The following EYS variants were observed in gnomAD, a reference collection of about 807,000 sequenced individuals.
EYS encodes the protein EGF-like photoreceptor maintenance factor.
A neutral mutation model predicts 282.1 loss-of-function variants in EYS; 250 were observed. The observed-to-expected ratio is 0.89, with a 90% CI of 0.80 to 0.98. The LOEUF is 0.98. Among genes scored for constraint, EYS ranks in the 50% least tolerant of loss-of-function variants. EYS has a pLI of 0.00. For synonymous variants in EYS, 1,355 were observed against 1,282.9 expected, an observed-to-expected ratio of 1.06 and a Z score of -1.20; for missense variants, 4,016 against 3,709.0, an observed-to-expected ratio of 1.08 and a Z score of -2.15.
rs575884923 is a variant in EYS at position 64,660,332 on chromosome 6, A to G, written c.3444-34087T>C. ...TTCCCTTTGAAAACTGGCACAAGACAGGGATGCCCTCTCTCACCACTCCTA... is the reference window on the plus strand; with the variant it reads ...TTCCCTTTGAAAACTGGCACAAGACGGGGATGCCCTCTCTCACCACTCCTA... On this transcript the variant is annotated intron_variant, in intron 22 of 42. Coordinates refer to ENST00000503581, the MANE Select transcript of EYS (RefSeq NM_001142800.2). Among the ~76,000 whole-genome samples the G allele has an allele frequency of 6.9e-3, 1,052 of 152,058 alleles. 2 individuals carry two copies. Among genetic ancestry groups the G allele is most frequent in the African/African-American group, 0.024 (998 of 41,476 alleles).
rs886410733 is a variant in EYS, at chr6:63,788,320, T to C, written c.7579-71A>G. The stretch of plus-strand genomic sequence containing the variant: ...AGGGTGAAATGTTAAGATACTCTTT[T>C]GTTATTTCCCATTAACTTGGCATGA... On this transcript the variant is annotated intron_variant, in intron 38 of 42. Coordinates refer to ENST00000503581, the MANE Select transcript of EYS (RefSeq NM_001142800.2). 6 of 1,247,522 alleles carry C rather than the reference T, an allele frequency of 4.8e-6. 1 individual carries two copies. The African/African-American group carries it at 7.8e-5, about 16-fold the overall frequency. 77.3% of individuals were successfully genotyped at this position (1,247,522 alleles called of 1,614,324 possible).
intron 39 of EYS, among the ~76,000 whole-genome samples, chr6:63,781,299 G>T (rs1770217649): frequency 6.6e-6 from 1 of 152,184 alleles, no homozygotes; most frequent in Non-Finnish European, 1.5e-5. Context: ...GTCATTGGTA[G>T]CTTGATGGGG....
intron 22 of EYS, among the ~76,000 whole-genome samples, chr6:64,784,649 T>C (rs1038124940): frequency 6.6e-6 from 1 of 152,186 alleles, no homozygotes; most frequent in Non-Finnish European, 1.5e-5. Context: ...TAGATCAGTT[T>C]TTATATTACT....
intron 5 of EYS, among the ~76,000 whole-genome samples, chr6:65,473,554 G>T (rs560272926): frequency 6.6e-6 from 1 of 151,910 alleles, no homozygotes; most frequent in South Asian, 2.1e-4. Flanking sequence ...AAAAATTTAT[G>T]CAAGAGAAAA....
At chr6:65,470,080 CTTACT>C (rs1303279151) in intron 5 of EYS, among the ~76,000 whole-genome samples, 2 of 152,058 alleles carry the variant, frequency 1.3e-5, no homozygotes, top group African/African-American at 2.4e-5. Flanking sequence ...TTAAAATGTG[CTTACT>C]TTAAAGGACC....
At chr6:65,266,002 TA>T (rs1406766919) in intron 12 of EYS, among the ~76,000 whole-genome samples, 1 of 151,760 alleles carries the variant, frequency 6.6e-6, no homozygotes, top group Non-Finnish European at 1.5e-5. Flanking sequence ...CATCAGAGAA[TA>T]AAAAAATTAA....
intron 33 of EYS, among the ~76,000 whole-genome samples, chr6:64,039,240 G>A (rs987938102): frequency 6.6e-6 from 1 of 152,112 alleles, no homozygotes; most frequent in African/African-American, 2.4e-5. Context: ...CAGACAGATT[G>A]AATTTTTACT....
intron 2 of EYS, among the ~76,000 whole-genome samples, chr6:65,604,839 C>T (rs1765729237): frequency 8.8e-6 from 1 of 113,054 alleles, no homozygotes; most frequent in Non-Finnish European, 1.7e-5. Context: ...AATTCACTGC[C>T]CCCTTTTTTT....
At chr6:64,465,182 C>A (rs569322530) in intron 26 of EYS, among the ~76,000 whole-genome samples, 1 of 152,128 alleles carries the variant, frequency 6.6e-6, no homozygotes, top group Non-Finnish European at 1.5e-5. Flanking sequence ...AATGTTCATA[C>A]TACCCAAAGT....
intron 22 of EYS, among the ~76,000 whole-genome samples, chr6:64,675,123 C>T (rs1463845129): frequency 6.6e-6 from 1 of 152,108 alleles, no homozygotes; most frequent in Non-Finnish European, 1.5e-5. Flanking sequence ...TTTAGTAATG[C>T]TAAGCTTTAA....
intron 35 of EYS, among the ~76,000 whole-genome samples, chr6:63,969,932 G>A (rs1363360260): frequency 6.6e-6 from 1 of 152,212 alleles, no homozygotes; most frequent in Non-Finnish European, 1.5e-5. Context: ...TGGGGTGAGA[G>A]CAGAACTTCA....
Position 65,216,986 on chromosome 6 carries a change from C to G in EYS, c.2023+78877G>C, listed in dbSNP as rs564610654. On this transcript the variant is annotated intron_variant, in intron 12 of 42. Coordinates refer to ENST00000503581, the MANE Select transcript of EYS (RefSeq NM_001142800.2). ...ATGAGAATTGCTAGGTCATACTAAT[C>G]AATTAATCAACCTCTCAATCTAGAA... 3.3e-5 allele frequency among the ~76,000 whole-genome samples: 5 copies of G among 152,028 alleles called. No individual in the cohort carries two copies. The South Asian group carries it at 1.0e-3, about 32-fold the overall frequency.
Position 63,720,198 on chromosome 6 carries a change from G to C in EYS, c.*398C>G. The C allele has an allele frequency of 8.1e-6, 2 of 245,858 alleles. No individual in the cohort carries two copies. Among genetic ancestry groups the C allele is most frequent in the Non-Finnish European group, 1.5e-5 (2 of 129,906 alleles). The allele number at this position is 245,858 out of a possible 1,614,324, so 15.2% of individuals were successfully genotyped here. The stretch of plus-strand genomic sequence containing the variant: ...TAATAACTTGATTTTTTTCTTATTT[G>C]TACCTATCCCTAATTCATTCCCAAC... On this transcript the variant is annotated 3_prime_UTR_variant, in exon 43 of 43. Coordinates refer to ENST00000503581, the MANE Select transcript of EYS (RefSeq NM_001142800.2).
chr6:64,550,894 C>T (rs145141548), intron 26 of EYS, among the ~76,000 whole-genome samples: 2,407 of 152,112 alleles, frequency 0.016, 59 homozygotes, highest in African/African-American at 0.056. Flanking sequence ...CCTAGGAATC[C>T]AACTTACAAG....
chr6:64,235,936 C>T (rs1323931557), intron 30 of EYS, among the ~76,000 whole-genome samples: 1 of 152,156 alleles, frequency 6.6e-6, no homozygotes, highest in Non-Finnish European at 1.5e-5. Flanking sequence ...CTATTCCCAT[C>T]AATAGGAAAA....
chr6:65,423,221 G>C (rs886249226), intron 5 of EYS, among the ~76,000 whole-genome samples: 1 of 151,828 alleles, frequency 6.6e-6, no homozygotes, highest in East Asian at 1.9e-4. Flanking sequence ...AAATATCTGA[G>C]AACGCTGGCA....
chr6:65,466,114 T>A (rs1316742052), intron 5 of EYS, among the ~76,000 whole-genome samples: 1 of 152,116 alleles, frequency 6.6e-6, no homozygotes, highest in Non-Finnish European at 1.5e-5. Flanking sequence ...ATAAAATGTA[T>A]AATAGTGTAA....
intron 12 of EYS, among the ~76,000 whole-genome samples, chr6:65,271,041 C>T (rs1767884736): frequency 6.7e-6 from 1 of 148,726 alleles, no homozygotes; most frequent in East Asian, 2.0e-4. Flanking sequence ...ATTGCTTTCA[C>T]ATTTTTAGGT....
chr6:64,999,433 A>G (rs1001372820), intron 13 of EYS, among the ~76,000 whole-genome samples: 4 of 152,142 alleles, frequency 2.6e-5, no homozygotes, highest in African/African-American at 9.7e-5. Context: ...GAATGGGAAG[A>G]GTGTGGTCCC....
Sources: gnomAD v4.1 joint callset for allele counts (sites outside exome capture counted in the v4.1 genomes callset) on GRCh38, gnomAD v4.1.1 for gene constraint, MANE v1.5 for transcripts, NCBI Gene and HGNC (gene_info 2026-07-23, HGNC 2026-07-21) for gene names.